The following WDR25 variants were observed in gnomAD, a reference collection of about 807,000 sequenced individuals.
WDR25 encodes the protein WD repeat domain 25, also known as WD repeat-containing protein 25.
A neutral mutation model predicts 47.7 loss-of-function variants in WDR25; 35 were observed. That is an observed-to-expected ratio of 0.73 (90% CI 0.56 to 0.97). The LOEUF (loss-of-function observed/expected upper bound fraction) is 0.97, where lower values mean the gene tolerates loss of function less well. Among genes scored for constraint, WDR25 ranks in the 50% least tolerant of loss-of-function variants. WDR25 has a pLI of 0.00. For missense variants in WDR25, 634 were observed against 704.7 expected, an observed-to-expected ratio of 0.90 and a Z score of 1.14; for synonymous variants, 248 against 278.9, an observed-to-expected ratio of 0.89 and a Z score of 1.10.
intron 2 of WDR25, among the ~76,000 whole-genome samples, chr14:100,419,353 C>T (rs1050160111): frequency 1.3e-5 from 2 of 151,986 alleles, no homozygotes; most frequent in African/African-American, 2.4e-5. Context: ...ATAGCTTTCT[C>T]GGGGAGTGTT....
chr14:100,466,253 C>G (rs1404772344), intron 2 of WDR25, among the ~76,000 whole-genome samples: 1 of 152,168 alleles, frequency 6.6e-6, no homozygotes, highest in Non-Finnish European at 1.5e-5. Flanking sequence ...GAACTGAGCT[C>G]TCTTCACATT....
intron 2 of WDR25, among the ~76,000 whole-genome samples, chr14:100,409,732 C>G (rs955187173): frequency 3.9e-5 from 6 of 152,144 alleles, no homozygotes; most frequent in East Asian, 3.9e-4. Flanking sequence ...GCACTTGGCC[C>G]TGTGTGTCCT....
chr14:100,519,945 A>G (rs1295420229), intron 4 of WDR25, among the ~76,000 whole-genome samples: 2 of 144,590 alleles, frequency 1.4e-5, no homozygotes, highest in Non-Finnish European at 3.0e-5. Context: ...ACTATAGTAT[A>G]AATACAGTGT....
intron 4 of WDR25, among the ~76,000 whole-genome samples, chr14:100,517,746 A>G (rs1386398606): frequency 6.6e-6 from 1 of 152,208 alleles, no homozygotes; most frequent in Non-Finnish European, 1.5e-5. Flanking sequence ...CCTGGGGCTG[A>G]GGCAGGAGAA....
rs967803153 is a variant in WDR25, at chr14:100,430,888, C to T, written c.823-37133C>T. Among the ~76,000 whole-genome samples the T allele has an allele frequency of 2.0e-5, 3 of 152,180 alleles. No individual in the cohort carries two copies. Among genetic ancestry groups the T allele is most frequent in the African/African-American group, 4.8e-5 (2 of 41,446 alleles). On this transcript the variant is annotated intron_variant, in intron 2 of 6. Coordinates refer to ENST00000402312, the MANE Select transcript of WDR25 (RefSeq NM_001161476.3). The surrounding 1 kb of genome is among the most constrained non-coding windows in gnomAD (Gnocchi z 4.7). ...GGGTCATTTCATCCACCAACTCCTG[C>T]GGTGCCAGAGGTGTCCTCTGGCCTC...
At chr14:100,394,070 C>T (rs1357937279) in intron 2 of WDR25, among the ~76,000 whole-genome samples, 1 of 152,188 alleles carries the variant, frequency 6.6e-6, no homozygotes, top group Admixed American at 6.5e-5. Flanking sequence ...CGATAACGCT[C>T]TTACAAATGG....
chr14:100,497,263 G>A (rs917616835), intron 4 of WDR25, among the ~76,000 whole-genome samples: 1 of 152,152 alleles, frequency 6.6e-6, no homozygotes, highest in African/African-American at 2.4e-5. Context: ...GACGGTGTCT[G>A]TTCTTTTACA....
At chr14:100,494,831 A>G (rs932834791) in intron 4 of WDR25, among the ~76,000 whole-genome samples, 11 of 152,222 alleles carry the variant, frequency 7.2e-5, no homozygotes, top group African/African-American at 2.7e-4. Context: ...TGATAAACCC[A>G]GCAGGTTAGA....
intron 1 of WDR25, among the ~76,000 whole-genome samples, chr14:100,380,640 C>G (rs1387564346): frequency 6.6e-6 from 1 of 151,784 alleles, no homozygotes; most frequent in East Asian, 1.9e-4. Flanking sequence ...ACTACAGGTG[C>G]CTGCCACCCT....
At chr14:100,398,943 C>T (rs186073777) in intron 2 of WDR25, among the ~76,000 whole-genome samples, 6 of 151,128 alleles carry the variant, frequency 4.0e-5, no homozygotes, top group Admixed American at 6.6e-5. Flanking sequence ...TCAAGACTTG[C>T]TTCCTAGTTC....
intron 2 of WDR25, among the ~76,000 whole-genome samples, chr14:100,448,409 G>A (rs1383926602): frequency 2.0e-5 from 3 of 152,022 alleles, no homozygotes; most frequent in South Asian, 2.1e-4. Context: ...CATCTTACCC[G>A]TTGCCCAGGG....
chr14:100,480,062 C>T (rs914521207), intron 3 of WDR25, among the ~76,000 whole-genome samples: 1 of 152,158 alleles, frequency 6.6e-6, no homozygotes, highest in Non-Finnish European at 1.5e-5. Flanking sequence ...GTATCAATTC[C>T]CATTTTATAC....
chr14:100,439,908 C>T (rs1026918828), intron 2 of WDR25, among the ~76,000 whole-genome samples: 7 of 152,158 alleles, frequency 4.6e-5, no homozygotes, highest in Admixed American at 1.3e-4. Context: ...GCAGCGCTCT[C>T]GTGTGACGTG....
intron 2 of WDR25, among the ~76,000 whole-genome samples, chr14:100,437,225 G>C (rs1898527900): frequency 1.3e-5 from 2 of 152,140 alleles, no homozygotes; most frequent in Non-Finnish European, 2.9e-5. Flanking sequence ...CTTGCTCCTG[G>C]AAGAGCACCT....
chr14:100,475,656 T>C lies in WDR25; in HGVS notation c.970+7488T>C, dbSNP rs1899992973. On this transcript the variant is annotated intron_variant, in intron 3 of 6. Transcript: ENST00000402312. ...GGGGTGGATATGGAAAGTGGAGATGTTGATGAAAGGGTATAAAGTTTCAGT... is the reference window on the plus strand; with the variant it reads ...GGGGTGGATATGGAAAGTGGAGATGCTGATGAAAGGGTATAAAGTTTCAGT... Among the ~76,000 whole-genome samples, 4 of 152,196 alleles carry C rather than the reference T, an allele frequency of 2.6e-5. No homozygotes were observed. In the South Asian group the frequency reaches 8.3e-4, roughly 32 times the overall value.
rs1025401800 is a variant in WDR25 at position 100,428,374 on chromosome 14, G to A, written c.823-39647G>A. 1.4e-4 allele frequency among the ~76,000 whole-genome samples: 22 copies of A among 152,152 alleles called. No individual in the cohort carries two copies. Among genetic ancestry groups the A allele is most frequent in the African/African-American group, 4.1e-4 (17 of 41,426 alleles). On this transcript the variant is annotated intron_variant, in intron 2 of 6. Transcript: ENST00000402312. This position sits in a 1 kb window ranked among gnomAD's most constrained non-coding sequence, Gnocchi z 4.3. ...GTAGCGAGCCTGGTCAGAGCATGGC[G>A]TCTGGAGTCAGGCGGCCTGGCTACG...
At chr14:100,496,072 A>G (rs1271336753) in intron 4 of WDR25, among the ~76,000 whole-genome samples, 1 of 152,216 alleles carries the variant, frequency 6.6e-6, no homozygotes, top group African/African-American at 2.4e-5. Flanking sequence ...TCCCACCAAC[A>G]ATGTGTGAGG....
chr14:100,446,876 G>A (rs147341070), intron 2 of WDR25, among the ~76,000 whole-genome samples: 1 of 152,156 alleles, frequency 6.6e-6, no homozygotes, highest in African/African-American at 2.4e-5. Flanking sequence ...GGGATTCCTG[G>A]CTGTTAGTTA....
intron 4 of WDR25, among the ~76,000 whole-genome samples, chr14:100,518,135 C>A (rs1402545038): frequency 6.6e-6 from 1 of 152,212 alleles, no homozygotes; most frequent in Non-Finnish European, 1.5e-5. Context: ...GCCTGAGGAA[C>A]TTCCTTTAGC....
Sources: allele counts gnomAD v4.1 joint callset (sites outside exome capture counted in the v4.1 genomes callset), GRCh38; gene constraint gnomAD v4.1.1; non-coding constraint Gnocchi (gnomAD v3.1); transcripts MANE v1.5; gene names NCBI Gene and HGNC (gene_info 2026-07-23, HGNC 2026-07-21).